Variants in MYO18B observed in about 807,000 individuals in gnomAD.
The protein encoded by MYO18B is unconventional myosin-XVIIIb.
A neutral mutation model predicts 273.0 loss-of-function variants in MYO18B; 204 were observed. The ratio of observed to expected loss-of-function variants is 0.75; its 90% CI spans 0.67 to 0.84. MYO18B has a LOEUF of 0.84. Ranked by LOEUF, MYO18B falls within the 40% of genes least tolerant of loss-of-function variation. The pLI, the probability that MYO18B is intolerant of heterozygous loss-of-function variation, is 0.00. For synonymous variants in MYO18B, 1,330 were observed against 1,305.7 expected, an observed-to-expected ratio of 1.02 and a Z score of -0.40; for missense variants, 3,212 against 3,287.6, an observed-to-expected ratio of 0.98 and a Z score of 0.56.
At chr22:25,982,428 A>G (rs1390423419) in intron 39 of MYO18B, among the ~76,000 whole-genome samples, 3 of 152,244 alleles carry the variant, frequency 2.0e-5, no homozygotes, top group Non-Finnish European at 2.9e-5. Context: ...CTGCTGCTGC[A>G]ACAAGCAACC....
At chr22:25,910,495 A>G (rs935683769) in intron 32 of MYO18B, among the ~76,000 whole-genome samples, 5 of 152,102 alleles carry the variant, frequency 3.3e-5, no homozygotes, top group African/African-American at 1.2e-4. Flanking sequence ...GGAGGGACAC[A>G]TATAGTTTAT....
intron 39 of MYO18B, among the ~76,000 whole-genome samples, chr22:25,987,569 A>G (rs2093216177): frequency 6.6e-6 from 1 of 152,142 alleles, no homozygotes; most frequent in Admixed American, 6.5e-5. Context: ...ACTAATAGTC[A>G]TACAATAGCA....
chr22:25,893,247 A>G (rs2146291561), intron 27 of MYO18B, among the ~76,000 whole-genome samples: 1 of 152,348 alleles, frequency 6.6e-6, no homozygotes, highest in Middle Eastern at 3.4e-3. Flanking sequence ...ATGGCTAAAT[A>G]TTTAAAGAGA....
chr22:25,922,344 G>A (rs757395641), intron 34 of MYO18B, among the ~76,000 whole-genome samples: 6 of 152,144 alleles, frequency 3.9e-5, no homozygotes, highest in Non-Finnish European at 7.3e-5. Context: ...GAGTGTGGGC[G>A]GTTGCGGTGG....
chr22:25,871,110 C>T (rs2091033376), intron 22 of MYO18B, among the ~76,000 whole-genome samples: 1 of 152,178 alleles, frequency 6.6e-6, no homozygotes, highest in Admixed American at 6.5e-5. Flanking sequence ...GATGCAGCAT[C>T]TTACGCATTG....
intron 41 of MYO18B, among the ~76,000 whole-genome samples, chr22:26,003,933 C>T (rs1461403142): frequency 2.6e-5 from 4 of 151,794 alleles, no homozygotes; most frequent in Non-Finnish European, 4.4e-5. Context: ...TCTAGTAAAA[C>T]CTACCCTCTG....
At chr22:25,822,854 A>G (rs1465185329) in intron 12 of MYO18B, among the ~76,000 whole-genome samples, 3 of 152,270 alleles carry the variant, frequency 2.0e-5, no homozygotes, top group African/African-American at 7.2e-5. Context: ...AGCTAACAGA[A>G]TAGAAAGTTT....
At chr22:25,799,032 T>C (rs1484397572) in intron 12 of MYO18B, among the ~76,000 whole-genome samples, 2 of 152,154 alleles carry the variant, frequency 1.3e-5, no homozygotes, top group Non-Finnish European at 2.9e-5. Flanking sequence ...ACCCTCTCCG[T>C]ATCCAATCAT....
chr22:25,747,015 G>A (rs1460770614), intron 1 of MYO18B, among the ~76,000 whole-genome samples: 12 of 152,144 alleles, frequency 7.9e-5, no homozygotes, highest in African/African-American at 2.9e-4. Context: ...CCAGCTACTC[G>A]GGAGGCTGAG....
chr22:26,057,835 G>A, the MYO18B span, among the ~76,000 whole-genome samples: 1 of 152,140 alleles, frequency 6.6e-6, no homozygotes, highest in African/African-American at 2.4e-5. Context: ...TCTGGGTCCT[G>A]AGCTCTTTAT....
At chr22:25,895,114 C>T (rs1327567075) in intron 27 of MYO18B, 42 bp from the exon 28 acceptor site, 2 of 1,600,732 alleles carry the variant, frequency 1.2e-6, no homozygotes, top group East Asian at 2.2e-5. Flanking sequence ...GCCTTACACT[C>T]ATTTGGCCTC....
chr22:25,946,942 TG>T (rs938068923), intron 35 of MYO18B, among the ~76,000 whole-genome samples: 7 of 152,156 alleles, frequency 4.6e-5, no homozygotes, highest in African/African-American at 1.7e-4. Context: ...TGGTGAGAAT[TG>T]GATGTAGGTT....
intron 12 of MYO18B, among the ~76,000 whole-genome samples, chr22:25,808,352 C>T (rs943668836): frequency 6.6e-6 from 1 of 152,206 alleles, no homozygotes; most frequent in South Asian, 2.1e-4. Flanking sequence ...ATTCTCACAG[C>T]AACCCTGACA....
At chr22:25,805,155 C>T (rs542249312) in intron 12 of MYO18B, among the ~76,000 whole-genome samples, 2 of 152,296 alleles carry the variant, frequency 1.3e-5, no homozygotes, top group South Asian at 4.1e-4. Context: ...GCACCCTTCC[C>T]ATGCCAGCCC....
intron 34 of MYO18B, among the ~76,000 whole-genome samples, chr22:25,935,552 G>T (rs2092565853): frequency 6.6e-6 from 1 of 151,658 alleles, no homozygotes; most frequent in African/African-American, 2.4e-5. Context: ...TTTCAAAAAG[G>T]GCTAAGTAGG....
At chr22:25,990,715 A>AAAAAAG (rs1569270756) in intron 39 of MYO18B, among the ~76,000 whole-genome samples, 20 of 45,858 alleles carry the variant, frequency 4.4e-4, no homozygotes, top group African/African-American at 6.5e-4. Context: ...AAAAAAAAAA[A>AAAAAAG]AAAAAGAAAA....
intron 12 of MYO18B, among the ~76,000 whole-genome samples, chr22:25,812,611 G>C (rs892115143): frequency 1.3e-5 from 2 of 152,194 alleles, no homozygotes; most frequent in Non-Finnish European, 2.9e-5. Flanking sequence ...TGGCTTCTCT[G>C]TGCAGAGGGC....
At chr22:25,802,752 C>CAA (rs1199331535) in intron 12 of MYO18B, among the ~76,000 whole-genome samples, 61 of 21,534 alleles carry the variant, frequency 2.8e-3, no homozygotes, top group African/African-American at 6.0e-3. Context: ...GACTCTGTCT[C>CAA]AAAAAAAAAA....
chr22:26,048,893 A>G, the MYO18B span, among the ~76,000 whole-genome samples: 1 of 152,118 alleles, frequency 6.6e-6, no homozygotes, highest in Non-Finnish European at 1.5e-5. Flanking sequence ...GGTTGAACCA[A>G]TTTACACTCC....
Sources: allele counts gnomAD v4.1 joint callset (sites outside exome capture counted in the v4.1 genomes callset), GRCh38; gene constraint gnomAD v4.1.1; transcripts MANE v1.5; gene names NCBI Gene and HGNC (gene_info 2026-07-23, HGNC 2026-07-21).